The following SYT1 variants were observed in gnomAD, a reference collection of about 807,000 sequenced individuals.
The protein encoded by SYT1 is synaptotagmin-1.
In SYT1, 8 loss-of-function variants were observed where a neutral mutation model predicts 44.8. The ratio of observed to expected loss-of-function variants is 0.18; its 90% CI spans 0.10 to 0.32. The LOEUF is 0.32. Ranked by LOEUF, SYT1 falls within the 10% of genes least tolerant of loss-of-function variation. The pLI, the probability that SYT1 is intolerant of heterozygous loss-of-function variation, is 1.00. For missense variants in SYT1, 286 were observed against 509.3 expected, an observed-to-expected ratio of 0.56 and a Z score of 4.22; for synonymous variants, 154 against 188.8, an observed-to-expected ratio of 0.82 and a Z score of 1.51.
At chr12:78,991,263 G>A (rs1241894434) in intron 2 of SYT1, among the ~76,000 whole-genome samples, 1 of 151,880 alleles carries the variant, frequency 6.6e-6, no homozygotes, top group African/African-American at 2.4e-5. Context: ...CTGACTCTAG[G>A]CAAATTTATA....
chr12:78,877,835 C>T (rs1286785153), intron 1 of SYT1, among the ~76,000 whole-genome samples: 2 of 151,576 alleles, frequency 1.3e-5, no homozygotes, highest in Non-Finnish European at 3.0e-5. Context: ...CACTATGTTG[C>T]CCAGGCTGGT....
At chr12:79,082,471 T>C (rs906946105) in intron 3 of SYT1, among the ~76,000 whole-genome samples, 3 of 152,202 alleles carry the variant, frequency 2.0e-5, no homozygotes, top group African/African-American at 7.2e-5. Flanking sequence ...TGAACAGACA[T>C]GATCCCTATC....
At chr12:78,947,999 G>A (rs549518044) in intron 1 of SYT1, among the ~76,000 whole-genome samples, 4 of 151,760 alleles carry the variant, frequency 2.6e-5, no homozygotes, top group South Asian at 4.2e-4. Flanking sequence ...AACTTTGAAA[G>A]AAAAATAGAT....
chr12:79,045,098 G>A lies in SYT1; in HGVS notation c.-83-2199G>A, dbSNP rs537869414. Reference sequence around the variant, plus strand: ...TGTTTGTCTGTGCCCTGCCCCCAGAGGTGGAGCCTACAGAGGCAGGCAGGC... The same window carrying A: ...TGTTTGTCTGTGCCCTGCCCCCAGAAGTGGAGCCTACAGAGGCAGGCAGGC... On this transcript the variant is annotated intron_variant, in intron 2 of 10. Coordinates refer to ENST00000261205, the MANE Select transcript of SYT1 (RefSeq NM_005639.3). 9.2e-5 allele frequency among the ~76,000 whole-genome samples: 14 copies of A among 151,934 alleles called. No individual in the cohort carries two copies. The East Asian group carries it at 2.7e-3, about 30-fold the overall frequency.
In SYT1 at chr12:79,399,937, TATC is replaced by T. The variant is rs1455465367; in HGVS notation, c.929-44133_929-44131del. Among the ~76,000 whole-genome samples the T allele has an allele frequency of 9.8e-5, 15 of 152,338 alleles. No homozygotes were observed. The South Asian group carries it at 2.3e-3, about 23-fold the overall frequency. ...TAATCAGTTATATCCACAAGTACAA[TATC>T]ATTTAAGAGAAGCTTCTAGAGATCT... On this transcript the variant is annotated intron_variant, in intron 9 of 10. Coordinates refer to ENST00000261205, the MANE Select transcript of SYT1 (RefSeq NM_005639.3).
chr12:79,267,583 A>G (rs1019596858), intron 4 of SYT1, among the ~76,000 whole-genome samples: 2 of 152,220 alleles, frequency 1.3e-5, no homozygotes, highest in Admixed American at 6.5e-5. Flanking sequence ...CTCAAGAAAG[A>G]CATACTGAAA....
intron 2 of SYT1, among the ~76,000 whole-genome samples, chr12:79,000,967 A>C (rs1430807563): frequency 6.6e-6 from 1 of 152,188 alleles, no homozygotes; most frequent in Non-Finnish European, 1.5e-5. Context: ...CTGTCAACAG[A>C]AAGTTTCAAA....
chr12:79,210,951 A>ATTT (rs1874408851), intron 3 of SYT1, among the ~76,000 whole-genome samples: 1 of 141,354 alleles, frequency 7.1e-6, no homozygotes. Flanking sequence ...TTTTTTTTTG[A>ATTT]AAATCTGACA....
At chr12:79,201,735 G>C (rs1465720555) in intron 3 of SYT1, among the ~76,000 whole-genome samples, 1 of 152,138 alleles carries the variant, frequency 6.6e-6, no homozygotes, top group African/African-American at 2.4e-5. Flanking sequence ...AGGAAAAGGT[G>C]CAGATCTTCC....
chr12:79,144,565 C>T (rs916287038), intron 3 of SYT1, among the ~76,000 whole-genome samples: 1 of 152,170 alleles, frequency 6.6e-6, no homozygotes, highest in Non-Finnish European at 1.5e-5. Context: ...ACAAACTGGG[C>T]TAGACAGCAC....
At chr12:79,055,295 T>C (rs1354177478) in intron 3 of SYT1, among the ~76,000 whole-genome samples, 1 of 151,512 alleles carries the variant, frequency 6.6e-6, no homozygotes, top group Non-Finnish European at 1.5e-5. Flanking sequence ...CTCATTGATA[T>C]TAGTCTTTAT....
At chr12:78,921,665 T>A (rs1434851307) in intron 1 of SYT1, among the ~76,000 whole-genome samples, 1 of 151,962 alleles carries the variant, frequency 6.6e-6, no homozygotes, top group Non-Finnish European at 1.5e-5. Context: ...CCCATTGGTA[T>A]GCTGCCTTGA....
chr12:79,034,742 G>T (rs1873021117), intron 2 of SYT1, among the ~76,000 whole-genome samples: 1 of 151,692 alleles, frequency 6.6e-6, no homozygotes, highest in Non-Finnish European at 1.5e-5. Flanking sequence ...CAATTTTCAT[G>T]TGAATATAAA....
At chr12:78,920,408 A>T (rs941378325) in intron 1 of SYT1, among the ~76,000 whole-genome samples, 10 of 152,048 alleles carry the variant, frequency 6.6e-5, no homozygotes, top group African/African-American at 2.4e-4. Flanking sequence ...AGACAAACAG[A>T]TGATGCCATC....
At chr12:79,091,785 TTTC>T (rs1482148256) in intron 3 of SYT1, among the ~76,000 whole-genome samples, 1 of 151,922 alleles carries the variant, frequency 6.6e-6, no homozygotes, top group Non-Finnish European at 1.5e-5. Context: ...ACACTGTAGT[TTTC>T]TTTTAAGTCA....
intron 4 of SYT1, among the ~76,000 whole-genome samples, chr12:79,271,444 A>G (rs1052187561): frequency 6.6e-6 from 1 of 152,174 alleles, no homozygotes; most frequent in Admixed American, 6.5e-5. Context: ...TTTCATTTGA[A>G]AAATGTACCG....
chr12:79,360,168 C>T (rs1425989554), intron 9 of SYT1, among the ~76,000 whole-genome samples: 1 of 151,900 alleles, frequency 6.6e-6, no homozygotes, highest in African/African-American at 2.4e-5. Flanking sequence ...TAACTGAGGC[C>T]TAGGTCAGCC....
chr12:79,242,120 G>C (rs1339021111), intron 4 of SYT1, among the ~76,000 whole-genome samples: 1 of 152,194 alleles, frequency 6.6e-6, no homozygotes, highest in Non-Finnish European at 1.5e-5. Flanking sequence ...ATAAATTTCT[G>C]TTGTTTTCAG....
At chr12:79,308,749 G>C (rs965485163) in intron 8 of SYT1, among the ~76,000 whole-genome samples, 2 of 152,164 alleles carry the variant, frequency 1.3e-5, no homozygotes, top group African/African-American at 4.8e-5. Flanking sequence ...GACCACTGTG[G>C]CTACAATACC....
Sources: allele counts gnomAD v4.1 joint callset (sites outside exome capture counted in the v4.1 genomes callset), GRCh38; gene constraint gnomAD v4.1.1; transcripts MANE v1.5; gene names NCBI Gene and HGNC (gene_info 2026-07-23, HGNC 2026-07-21).